Variants in GALK2 observed in about 807,000 individuals in gnomAD.
GALK2 encodes the protein N-acetylgalactosamine kinase.
GALK2 carries 36 observed loss-of-function variants against 52.4 expected under a neutral mutation model. The ratio of observed to expected loss-of-function variants is 0.69; its 90% CI spans 0.53 to 0.91. The LOEUF (loss-of-function observed/expected upper bound fraction) is 0.91, where lower values mean the gene tolerates loss of function less well. Ranked by LOEUF, GALK2 falls within the 40% of genes least tolerant of loss-of-function variation. The pLI, the probability that GALK2 is intolerant of heterozygous loss-of-function variation, is 0.00. For missense variants in GALK2, 579 were observed against 559.1 expected (o/e 1.04, Z -0.36); for synonymous variants, 176 against 199.1 (o/e 0.88, Z 0.98).
intron 9 of GALK2, among the ~76,000 whole-genome samples, chr15:49,321,604 G>A (rs2036877162): frequency 6.6e-6 from 1 of 152,108 alleles, no homozygotes; most frequent in South Asian, 2.1e-4. Context: ...AGTTATCTTA[G>A]AGTACCATAA....
upstream of GALK2, among the ~76,000 whole-genome samples, chr15:49,166,339 A>G (rs780125127): frequency 1.3e-5 from 2 of 152,328 alleles, no homozygotes; most frequent in Non-Finnish European, 2.9e-5. Flanking sequence ...CCATAACTAC[A>G]TAAATATAGA....
intron 1 of GALK2, among the ~76,000 whole-genome samples, chr15:49,199,897 A>G (rs1315281267): frequency 6.6e-6 from 1 of 152,214 alleles, no homozygotes; most frequent in African/African-American, 2.4e-5. Flanking sequence ...ACTGGTATAA[A>G]CAGTTTCTGA....
intron 3 of GALK2, among the ~76,000 whole-genome samples, chr15:49,353,196 C>T (rs1485138777): frequency 6.6e-6 from 1 of 152,072 alleles, no homozygotes; most frequent in Non-Finnish European, 1.5e-5. Flanking sequence ...TTTATTTAGT[C>T]CAATTCATCT....
At chr15:49,277,261 CG>C (rs1567011250) in intron 5 of GALK2, among the ~76,000 whole-genome samples, 1 of 119,230 alleles carries the variant, frequency 8.4e-6, no homozygotes, top group African/African-American at 3.0e-5. Context: ...CTCCGCCTCC[CG>C]GGTTCACGCC....
intron 5 of GALK2, among the ~76,000 whole-genome samples, chr15:49,273,124 A>G (rs1455786160): frequency 1.3e-5 from 2 of 152,158 alleles, no homozygotes; most frequent in East Asian, 3.9e-4. Flanking sequence ...GAGCCCATTG[A>G]GCTTTTATAG....
intron 3 of GALK2, among the ~76,000 whole-genome samples, chr15:49,221,813 A>T (rs1046078268): frequency 6.6e-6 from 1 of 151,942 alleles, no homozygotes; most frequent in Non-Finnish European, 1.5e-5. Flanking sequence ...ATAGCCTTAT[A>T]ATATATTTTG....
At chr15:49,351,584 C>T (rs558996749) in intron 3 of GALK2, among the ~76,000 whole-genome samples, 2 of 152,336 alleles carry the variant, frequency 1.3e-5, no homozygotes, top group South Asian at 4.1e-4. Context: ...AACACATACA[C>T]CGTCCCAAGT....
chr15:49,205,180 C>T (rs869069917), intron 2 of GALK2, among the ~76,000 whole-genome samples: 15 of 151,934 alleles, frequency 9.9e-5, no homozygotes, highest in Non-Finnish European at 1.9e-4. Flanking sequence ...AATTGTGCCA[C>T]TATAAACATG....
intron 8 of GALK2, among the ~76,000 whole-genome samples, chr15:49,297,661 C>G (rs57749497): frequency 0.19 from 28,316 of 152,086 alleles, 2,792 homozygotes; most frequent in Non-Finnish European, 0.21. Flanking sequence ...AGCCACCTAT[C>G]CCAGTACCAT....
At chr15:49,318,864 G>A (rs2036639422) in intron 8 of GALK2, 1 of 434,738 alleles carries the variant, frequency 2.3e-6, no homozygotes, top group Non-Finnish European at 4.5e-6. Context: ...ACTCTATTGA[G>A]CCTCCTTCTC....
At position 49,297,452 on chromosome 15, in the gene GALK2, T is replaced by A. The variant is rs1002991348; in HGVS notation, c.967+4915T>A. Among the ~76,000 whole-genome samples, 69 of 152,214 alleles carry A rather than the reference T, an allele frequency of 4.5e-4. 1 individual carries two copies. The highest frequency in any genetic ancestry group is 1.2e-4 in the Non-Finnish European group (8 of 68,044). On this transcript the variant is annotated intron_variant, in intron 8 of 9. Coordinates refer to ENST00000560031, the MANE Select transcript of GALK2 (RefSeq NM_002044.4). ...TTAGTTTATGTCTCACTTGTCAATT[T>A]TTGTTTTTGTTGCAATTGCTTTTAG...
At chr15:49,228,687 A>ATATATATATATATATACATATAT (rs1555409061) in intron 3 of GALK2, among the ~76,000 whole-genome samples, 1 of 14,276 alleles carries the variant, frequency 7.0e-5, no homozygotes, top group Non-Finnish European at 1.2e-4. Context: ...ATATATATAT[A>ATATATATATATATATACATATAT]TTTTTTTTTT....
chr15:49,341,342 G>A (rs2040704677), intron 3 of GALK2, among the ~76,000 whole-genome samples: 1 of 152,146 alleles, frequency 6.6e-6, no homozygotes, highest in South Asian at 2.1e-4. Context: ...ATTGCTTTGG[G>A]TAGTATGGCA....
chr15:49,270,281 A>C (rs1191968332), intron 5 of GALK2, among the ~76,000 whole-genome samples: 4 of 152,222 alleles, frequency 2.6e-5, no homozygotes, highest in Non-Finnish European at 4.4e-5. Context: ...AATCTTACTT[A>C]CTAAGATTCC....
At chr15:49,225,168 G>A (rs1010006960) in intron 3 of GALK2, 1 of 455,358 alleles carries the variant, frequency 2.2e-6, no homozygotes, top group African/African-American at 2.0e-5. Flanking sequence ...AGCCGCCTCT[G>A]ATCACTGGCA....
intron 9 of GALK2, among the ~76,000 whole-genome samples, chr15:49,323,736 A>G (rs2037096747): frequency 6.6e-6 from 1 of 152,194 alleles, no homozygotes; most frequent in East Asian, 1.9e-4. Flanking sequence ...GGGGTTGGGA[A>G]AGAGCACCAC....
chr15:49,218,709 C>A (rs964617514), intron 3 of GALK2, among the ~76,000 whole-genome samples: 1 of 152,184 alleles, frequency 6.6e-6, no homozygotes. Flanking sequence ...ACATTTAGAT[C>A]ATTCCCAGTT....
At chr15:49,166,593 C>T (rs1436164840), upstream of GALK2, among the ~76,000 whole-genome samples, 1 of 152,014 alleles carries the variant, frequency 6.6e-6, no homozygotes, top group African/African-American at 2.4e-5. Flanking sequence ...ACCTGTAATC[C>T]CAGCTACTCG....
chr15:49,250,787 T>A (rs2091560587), intron 5 of GALK2, among the ~76,000 whole-genome samples: 1 of 152,214 alleles, frequency 6.6e-6, no homozygotes, highest in African/African-American at 2.4e-5. Flanking sequence ...ATGTATATAA[T>A]TAATGTGAAT....
Sources: allele counts gnomAD v4.1 joint callset (sites outside exome capture counted in the v4.1 genomes callset), GRCh38; gene constraint gnomAD v4.1.1; transcripts MANE v1.5; gene names NCBI Gene and HGNC (gene_info 2026-07-23, HGNC 2026-07-21).